RANBP2: variants seen among roughly 807,000 people sequenced by gnomAD.
RANBP2 encodes the protein E3 SUMO-protein ligase RanBP2.
A neutral mutation model predicts 303.6 loss-of-function variants in RANBP2; 57 were observed. The observed-to-expected ratio is 0.19, with a 90% confidence interval of 0.15 to 0.23. The LOEUF is 0.23. Among genes scored for constraint, RANBP2 ranks in the 10% least tolerant of loss-of-function variants. The probability of loss-of-function intolerance (pLI) is 1.00; values close to 1 mark genes in which losing one functional copy is unlikely to be tolerated. For synonymous variants in RANBP2, 1,167 were observed against 1,301.5 expected, an observed-to-expected ratio of 0.90 and a Z score of 2.23; for missense variants, 3,138 against 3,780.8, an observed-to-expected ratio of 0.83 and a Z score of 4.46.
chr2:109,211,293 G>T, the RANBP2 span, among the ~76,000 whole-genome samples: 2 of 152,202 alleles, frequency 1.3e-5, no homozygotes, highest in African/African-American at 4.8e-5. Flanking sequence ...GCAAGGCATT[G>T]GTTACAAGCC....
At chr2:109,420,010 C>G in the RANBP2 span, among the ~76,000 whole-genome samples, 3 of 152,152 alleles carry the variant, frequency 2.0e-5, no homozygotes, top group African/African-American at 7.2e-5. Context: ...AGCGGGTAGT[C>G]TAGGAGCTTG....
the RANBP2 span, among the ~76,000 whole-genome samples, chr2:109,736,137 CG>C: frequency 6.6e-6 from 1 of 152,196 alleles, no homozygotes; most frequent in African/African-American, 2.4e-5. Context: ...GTTCGAATTT[CG>C]GAAGGGCACC....
the RANBP2 span, among the ~76,000 whole-genome samples, chr2:109,008,711 G>A: frequency 2.0e-5 from 3 of 147,266 alleles, no homozygotes; most frequent in East Asian, 6.3e-4. Context: ...GACCATCCTG[G>A]CTAACACAGT....
chr2:109,690,912 T>C, the RANBP2 span, among the ~76,000 whole-genome samples: 2 of 152,202 alleles, frequency 1.3e-5, no homozygotes, highest in African/African-American at 2.4e-5. Flanking sequence ...TGATTATCTC[T>C]TCTCAGCCTA....
chr2:109,530,570 G>A, the RANBP2 span, among the ~76,000 whole-genome samples: 5 of 152,180 alleles, frequency 3.3e-5, no homozygotes, highest in African/African-American at 9.6e-5. Flanking sequence ...AAGAAATACC[G>A]GAATGATATG....
the RANBP2 span, among the ~76,000 whole-genome samples, chr2:109,474,965 T>G: frequency 6.6e-6 from 1 of 151,488 alleles, no homozygotes; most frequent in East Asian, 1.9e-4. Flanking sequence ...TTTGTTTGGG[T>G]TTTTTTTGTT....
At chr2:109,169,439 C>T in the RANBP2 span, among the ~76,000 whole-genome samples, 1 of 152,030 alleles carries the variant, frequency 6.6e-6, no homozygotes, top group African/African-American at 2.4e-5. Context: ...GCTCAGCTCC[C>T]TGTGGTGGAG....
the RANBP2 span, among the ~76,000 whole-genome samples, chr2:109,473,805 C>T: frequency 0.029 from 4,473 of 151,760 alleles, 97 homozygotes; most frequent in South Asian, 0.077. Context: ...CCCCCGTGCA[C>T]AGCCAGCACC....
chr2:108,791,746 A>AT, the RANBP2 span: 1 of 1,605,990 alleles, frequency 6.2e-7, no homozygotes, highest in Non-Finnish European at 8.5e-7. Context: ...ATTGAAAATG[A>AT]TTATAGAGTT....
chr2:108,959,861 C>T, the RANBP2 span, among the ~76,000 whole-genome samples: 18 of 152,186 alleles, frequency 1.2e-4, no homozygotes, highest in African/African-American at 4.3e-4. Flanking sequence ...TAAAAATACT[C>T]GCACATACAT....
At chr2:109,396,860 A>G in the RANBP2 span, among the ~76,000 whole-genome samples, 2,072 of 152,352 alleles carry the variant, frequency 0.014, 27 homozygotes, top group East Asian at 0.052. Flanking sequence ...AGCGGCTCAC[A>G]TGGTCCTTCA....
At chr2:109,763,668 G>A in the RANBP2 span, among the ~76,000 whole-genome samples, 1 of 150,296 alleles carries the variant, frequency 6.7e-6, no homozygotes, top group Admixed American at 6.8e-5. Context: ...TTGTATTAGA[G>A]CAATATACAT....
At chr2:109,247,008 G>T in the RANBP2 span, among the ~76,000 whole-genome samples, 165 of 152,280 alleles carry the variant, frequency 1.1e-3, 1 homozygote, top group African/African-American at 3.8e-3. Context: ...TTTCTGGTCG[G>T]ACCCTCACTT....
the RANBP2 span, among the ~76,000 whole-genome samples, chr2:109,671,459 G>T: frequency 2.6e-5 from 4 of 152,056 alleles, no homozygotes; most frequent in Non-Finnish European, 4.4e-5. Flanking sequence ...TTCAGGGTTC[G>T]GCTGGCCTGG....
At chr2:109,192,838 A>G in the RANBP2 span, among the ~76,000 whole-genome samples, 26 of 152,326 alleles carry the variant, frequency 1.7e-4, no homozygotes, top group African/African-American at 5.1e-4. Context: ...TTGATTCACC[A>G]TACATTTCTC....
the RANBP2 span, chr2:109,432,431 C>CG: frequency 6.3e-7 from 1 of 1,575,974 alleles, no homozygotes. Context: ...AACCTCCCCC[C>CG]AGGAATGCCG....
At chr2:109,168,231 A>C in the RANBP2 span, among the ~76,000 whole-genome samples, 1 of 152,220 alleles carries the variant, frequency 6.6e-6, no homozygotes, top group Non-Finnish European at 1.5e-5. Context: ...TTTTCTGGAG[A>C]GATCAAAACT....
the RANBP2 span, among the ~76,000 whole-genome samples, chr2:109,356,804 C>T: frequency 6.6e-6 from 1 of 152,130 alleles, no homozygotes; most frequent in Non-Finnish European, 1.5e-5. Context: ...TCCTGGGTGA[C>T]TGAAAATAAG....
At chr2:108,994,877 C>T in the RANBP2 span, among the ~76,000 whole-genome samples, 10 of 144,544 alleles carry the variant, frequency 6.9e-5, no homozygotes, top group East Asian at 6.1e-4. Flanking sequence ...TCGCCCAGGC[C>T]GGAGTGCAGT....
Sources: gnomAD v4.1 joint callset for allele counts (sites outside exome capture counted in the v4.1 genomes callset) on GRCh38, gnomAD v4.1.1 for gene constraint, MANE v1.5 for transcripts, NCBI Gene and HGNC (gene_info 2026-07-23, HGNC 2026-07-21) for gene names.